CLMN: variants seen among roughly 807,000 people sequenced by gnomAD.
The protein encoded by CLMN is calmin (calponin-like, transmembrane).
In CLMN, 57 loss-of-function variants were observed where a neutral mutation model predicts 92.7. That is an observed-to-expected ratio of 0.61 (90% CI 0.50 to 0.77). The LOEUF (loss-of-function observed/expected upper bound fraction) is 0.77. Ranked by LOEUF, CLMN falls within the 30% of genes least tolerant of loss-of-function variation. CLMN has a pLI of 0.00. For missense variants in CLMN, 1,158 were observed against 1,237.5 expected, an observed-to-expected ratio of 0.94 and a Z score of 0.96; for synonymous variants, 466 against 470.6, an observed-to-expected ratio of 0.99 and a Z score of 0.13.
rs1262914452 is a variant in CLMN, at chr14:95,256,930, C to A, written c.83-26797G>T. 1.3e-5 allele frequency among the ~76,000 whole-genome samples: 2 copies of A among 152,140 alleles called. No individual in the cohort carries two copies. Among genetic ancestry groups the A allele is most frequent in the Non-Finnish European group, 2.9e-5 (2 of 68,022 alleles). ...GAGAGGGCATTCTCCATGTTGGGAA[C>A]AGCAAGGGCAAAGGCTGGGTGGCAT... On this transcript the variant is annotated intron_variant, in intron 1 of 12. Coordinates refer to ENST00000298912, the MANE Select transcript of CLMN (RefSeq NM_024734.4). This position sits in a 1 kb window ranked among gnomAD's most constrained non-coding sequence, Gnocchi z 4.9.
At position 95,273,028 on chromosome 14, in the gene CLMN, C is replaced by T. The variant is rs112731753; in HGVS notation, c.83-42895G>A. On this transcript the variant is annotated intron_variant, in intron 1 of 12. Coordinates refer to ENST00000298912, the MANE Select transcript of CLMN (RefSeq NM_024734.4). ...TGTGAGTCCTTAATGAAATATTTTA[C>T]ACTTCTATGAAGAAAATGCATATGC... 3.6e-3 allele frequency among the ~76,000 whole-genome samples: 550 copies of T among 152,322 alleles called. 10 individuals carry two copies. Among genetic ancestry groups the T allele is most frequent in the African/African-American group, 0.013 (532 of 41,580 alleles).
At chr14:95,207,753 T>C (rs1342437421) in intron 8 of CLMN, among the ~76,000 whole-genome samples, 2 of 152,122 alleles carry the variant, frequency 1.3e-5, no homozygotes, top group African/African-American at 2.4e-5. Flanking sequence ...CAGCGCCCTG[T>C]AAGGGGTCCG....
intron 1 of CLMN, among the ~76,000 whole-genome samples, chr14:95,309,100 T>A (rs562753899): frequency 3.3e-5 from 5 of 152,262 alleles, no homozygotes; most frequent in Admixed American, 6.5e-5. Context: ...ACAGACGACA[T>A]CATTCAACAG....
At position 95,191,797 on chromosome 14, in the gene CLMN, A is replaced by C; in HGVS notation, c.2841-65T>G. The C allele has an allele frequency of 2.0e-6, 3 of 1,493,250 alleles. No individual in the cohort carries two copies. The highest frequency in any genetic ancestry group is 2.7e-6 in the Non-Finnish European group (3 of 1,112,526). 92.5% of individuals were successfully genotyped at this position (1,493,250 alleles called of 1,614,324 possible). The stretch of plus-strand genomic sequence containing the variant: ...GTTCCCAGGAAAGTGGACCCCACCC[A>C]GTGCTACCCGTCTCTCCCCGGCCCC... On this transcript the variant is annotated intron_variant, in intron 12 of 12. Transcript: ENST00000298912. The surrounding 1 kb of genome is among the most constrained non-coding windows in gnomAD (Gnocchi z 5.3).
chr14:95,255,520 G>C (rs950824501), intron 1 of CLMN, among the ~76,000 whole-genome samples: 2 of 152,162 alleles, frequency 1.3e-5, no homozygotes, highest in African/African-American at 4.8e-5. Flanking sequence ...AGTACATATA[G>C]GGTTCGGCAC....
intron 1 of CLMN, among the ~76,000 whole-genome samples, chr14:95,242,004 C>T (rs1898258931): frequency 6.6e-6 from 1 of 152,156 alleles, no homozygotes; most frequent in Non-Finnish European, 1.5e-5. Context: ...AAGAACCAGA[C>T]TGTGACATTG....
chr14:95,217,270 C>T (rs1897380535), intron 4 of CLMN, among the ~76,000 whole-genome samples: 1 of 152,118 alleles, frequency 6.6e-6, no homozygotes, highest in Non-Finnish European at 1.5e-5. Context: ...TTTCTTTTTC[C>T]TCTATTTCTT....
chr14:95,192,006 C>CA (rs1426420710), intron 12 of CLMN: 3 of 326,472 alleles, frequency 9.2e-6, no homozygotes, highest in African/African-American at 6.4e-5. Flanking sequence ...CAGATGGACA[C>CA]ACTGAGGCTT....
intron 4 of CLMN, 55 bp downstream of exon 4, chr14:95,221,636 G>A (rs377528843): frequency 1.5e-5 from 23 of 1,497,128 alleles, no homozygotes; most frequent in Middle Eastern, 1.7e-4. Flanking sequence ...TTCAAATGAC[G>A]TCCTTTTCCT....
chr14:95,242,132 G>A (rs1397990417), intron 1 of CLMN, among the ~76,000 whole-genome samples: 1 of 149,156 alleles, frequency 6.7e-6, no homozygotes, highest in Admixed American at 6.6e-5. Context: ...GGGTGCACAT[G>A]ATGGTCATCT....
At position 95,223,753 on chromosome 14, in the gene CLMN, T is replaced by C. The variant is rs1293731196; in HGVS notation, c.240+7A>G. Reference sequence around the variant, plus strand: ...CTTTCTTTCTGACCCTTCTGTAACATACGTACCAGATTCCGCCCAGACAGG... The same window carrying C: ...CTTTCTTTCTGACCCTTCTGTAACACACGTACCAGATTCCGCCCAGACAGG... On this transcript the variant is annotated splice_region_variant and intron_variant, in intron 3 of 12. Transcript: ENST00000298912. The C allele has an allele frequency of 1.2e-6, 2 of 1,608,082 alleles. No individual in the cohort carries two copies. The highest frequency in any genetic ancestry group is 8.5e-7 in the Non-Finnish European group (1 of 1,175,952).
chr14:95,245,210 AT>A (rs1898451477), intron 1 of CLMN, among the ~76,000 whole-genome samples: 5 of 24,176 alleles, frequency 2.1e-4, no homozygotes, highest in South Asian at 1.5e-3. Flanking sequence ...TATATATATT[AT>A]ATATATATAT....
chr14:95,319,653 C>G, intron 1 of CLMN, 58 bp downstream of exon 1: 1 of 1,399,652 alleles, frequency 7.1e-7, no homozygotes, highest in Non-Finnish European at 9.7e-7. Flanking sequence ...AGTGTCGGAG[C>G]GGCGCCCCGG....
intron 1 of CLMN, among the ~76,000 whole-genome samples, chr14:95,245,774 AGGTG>A (rs1898538331): frequency 9.1e-6 from 1 of 109,526 alleles, no homozygotes; most frequent in African/African-American, 3.7e-5. Context: ...ATGAATGGAT[AGGTG>A]GGTGGGTGGT....
At chr14:95,261,860 C>A (rs944999370) in intron 1 of CLMN, among the ~76,000 whole-genome samples, 2 of 152,230 alleles carry the variant, frequency 1.3e-5, no homozygotes, top group Non-Finnish European at 2.9e-5. Flanking sequence ...CTGGCTTCTG[C>A]GTCCCTGGCC....
At chr14:95,277,421 G>A (rs947580530) in intron 1 of CLMN, among the ~76,000 whole-genome samples, 4 of 152,126 alleles carry the variant, frequency 2.6e-5, no homozygotes, top group East Asian at 1.9e-4. Context: ...TTCTAACCAC[G>A]TGGCAGTTCT....
intron 1 of CLMN, among the ~76,000 whole-genome samples, chr14:95,245,213 T>TATATATATATA (rs1898457019): frequency 6.3e-5 from 2 of 31,762 alleles, no homozygotes; most frequent in African/African-American, 3.7e-4. Flanking sequence ...ATATATTATA[T>TATATATATATA]ATATATATAT....
rs1316899165 is a variant in CLMN, at chr14:95,256,744, T to C, written c.83-26611A>G. Reference sequence around the variant, plus strand: ...GGGATGGGAGAGAAATTGCCAAATGTAGGGCCCTGGTCCACATTGCACCGG... The same window carrying C: ...GGGATGGGAGAGAAATTGCCAAATGCAGGGCCCTGGTCCACATTGCACCGG... On this transcript the variant is annotated intron_variant, in intron 1 of 12. Coordinates refer to ENST00000298912, the MANE Select transcript of CLMN (RefSeq NM_024734.4). This position sits in a 1 kb window ranked among gnomAD's most constrained non-coding sequence, Gnocchi z 4.9. 6.6e-6 allele frequency among the ~76,000 whole-genome samples: 1 copy of C among 152,204 alleles called. No individual in the cohort carries two copies. The highest frequency in any genetic ancestry group is 1.5e-5 in the Non-Finnish European group (1 of 68,032).
chr14:95,277,097 T>C (rs1478132121), intron 1 of CLMN, among the ~76,000 whole-genome samples: 3 of 152,108 alleles, frequency 2.0e-5, no homozygotes, highest in Admixed American at 6.5e-5. Flanking sequence ...AGCCTCTCTC[T>C]GTGCAAACTG....
Sources: gnomAD v4.1 joint callset for allele counts (sites outside exome capture counted in the v4.1 genomes callset) on GRCh38, gnomAD v4.1.1 for gene constraint, Gnocchi (gnomAD v3.1) non-coding constraint, MANE v1.5 for transcripts, NCBI Gene and HGNC (gene_info 2026-07-23, HGNC 2026-07-21) for gene names.